The following NKAIN3 variants were observed in gnomAD, a reference collection of about 807,000 sequenced individuals.
The protein encoded by NKAIN3 is sodium/potassium-transporting ATPase subunit beta-1-interacting protein 3.
NKAIN3 carries 25 observed loss-of-function variants against 30.2 expected under a neutral mutation model. The observed-to-expected ratio is 0.83, with a 90% CI of 0.60 to 1.16. The LOEUF (loss-of-function observed/expected upper bound fraction) is 1.16. Among genes scored for constraint, NKAIN3 ranks in the 50% most tolerant of loss-of-function variants. The probability of loss-of-function intolerance (pLI) is 0.00; values close to 1 mark genes in which losing one functional copy is unlikely to be tolerated. For synonymous variants in NKAIN3, 91 were observed against 89.6 expected, an observed-to-expected ratio of 1.02 and a Z score of -0.09; for missense variants, 225 against 254.1, an observed-to-expected ratio of 0.89 and a Z score of 0.78.
Position 62,249,105 on chromosome 8 carries a change from T to A in NKAIN3, c.32T>A (p.Ile11Asn), listed in dbSNP as rs754989308. Residue 11 changes from isoleucine to asparagine, a missense_variant, in exon 1 of 7, where the codon ATC becomes AAC. Transcript: ENST00000623646. The stretch of plus-strand genomic sequence containing the variant: ...TGCTGCACCGGACGCTGCTCGCTCA[T>A]CTGCCTCTGCGCGCTGCAGTTGGTG... MGCCTGRCSL[I>N]CLCALQLVSA... The A allele has an allele frequency of 2.6e-6, 4 of 1,538,986 alleles. No homozygotes were observed. The highest frequency in any genetic ancestry group is 5.0e-5 in the East Asian group (2 of 39,746).
intron 4 of NKAIN3, among the ~76,000 whole-genome samples, chr8:62,821,845 G>A (rs1818856479): frequency 6.7e-6 from 1 of 148,654 alleles, no homozygotes; most frequent in African/African-American, 2.5e-5. Context: ...TTAAATTATT[G>A]AAAATGTAAA....
chr8:62,645,102 G>A (rs1429116635), intron 3 of NKAIN3, among the ~76,000 whole-genome samples: 2 of 152,082 alleles, frequency 1.3e-5, no homozygotes, highest in African/African-American at 2.4e-5. Flanking sequence ...TGATTCCAGC[G>A]CTAATTCAGA....
intron 5 of NKAIN3, among the ~76,000 whole-genome samples, chr8:62,946,265 A>T (rs959471867): frequency 1.2e-4 from 18 of 152,146 alleles, no homozygotes; most frequent in African/African-American, 4.1e-4. Context: ...GGACATAAGC[A>T]ACGGTTTAAG....
intron 1 of NKAIN3, among the ~76,000 whole-genome samples, chr8:62,479,955 A>G (rs1373984240): frequency 6.6e-6 from 1 of 152,224 alleles, no homozygotes; most frequent in Non-Finnish European, 1.5e-5. Context: ...GCGTTTCCCC[A>G]GAACATTTTG....
At chr8:62,534,574 C>A (rs1374126861) in intron 1 of NKAIN3, among the ~76,000 whole-genome samples, 1 of 152,166 alleles carries the variant, frequency 6.6e-6, no homozygotes, top group Non-Finnish European at 1.5e-5. Context: ...GAAAACATAA[C>A]ACAGCGGTTT....
At chr8:62,539,374 A>G (rs1053574778) in intron 1 of NKAIN3, among the ~76,000 whole-genome samples, 1 of 152,224 alleles carries the variant, frequency 6.6e-6, no homozygotes, top group Non-Finnish European at 1.5e-5. Flanking sequence ...CAAAAAGTCC[A>G]TTGTAAAACT....
rs940706715 is a variant in NKAIN3, at chr8:62,804,432, C to T, written c.471+57303C>T. Among the ~76,000 whole-genome samples, 22 of 152,186 alleles carry T rather than the reference C, an allele frequency of 1.4e-4. 1 individual carries two copies. The highest frequency in any genetic ancestry group is 1.2e-3 in the Admixed American group (19 of 15,270). On this transcript the variant is annotated intron_variant, in intron 4 of 6. Transcript: ENST00000623646. ...TACTGGCAAACCAAATCCAGCAGCA[C>T]ATCAAAAAGTTTATCCACCACGATC...
At chr8:62,400,569 A>G (rs1035210978) in intron 1 of NKAIN3, among the ~76,000 whole-genome samples, 3 of 152,152 alleles carry the variant, frequency 2.0e-5, no homozygotes, top group African/African-American at 7.2e-5. Flanking sequence ...GGAGTGTCCT[A>G]GCAATTGTTG....
At chr8:62,401,240 C>G (rs2129595240) in intron 1 of NKAIN3, among the ~76,000 whole-genome samples, 1 of 152,138 alleles carries the variant, frequency 6.6e-6, no homozygotes, top group Middle Eastern at 3.4e-3. Context: ...TGCAGTGAGT[C>G]AATTGCATTT....
At chr8:62,818,589 G>A (rs2130727082) in intron 4 of NKAIN3, among the ~76,000 whole-genome samples, 1 of 151,984 alleles carries the variant, frequency 6.6e-6, no homozygotes, top group Middle Eastern at 3.4e-3. Context: ...TTCTTTTGAA[G>A]CACCAATTAT....
intron 3 of NKAIN3, among the ~76,000 whole-genome samples, chr8:62,695,506 T>C (rs2130453856): frequency 6.6e-6 from 1 of 152,284 alleles, no homozygotes. Context: ...CAAGGAATAA[T>C]ACTGGGTATC....
intron 1 of NKAIN3, among the ~76,000 whole-genome samples, chr8:62,522,572 C>G (rs1035824714): frequency 6.6e-6 from 1 of 151,904 alleles, no homozygotes; most frequent in Non-Finnish European, 1.5e-5. Context: ...TGTCATTGAC[C>G]CTGAAGACCT....
intron 1 of NKAIN3, among the ~76,000 whole-genome samples, chr8:62,353,409 A>G (rs979630531): frequency 6.6e-5 from 10 of 152,220 alleles, no homozygotes; most frequent in African/African-American, 2.4e-4. Context: ...GGCTGCCAAC[A>G]CTGAAATTTG....
At chr8:62,359,057 G>A (rs574940855) in intron 1 of NKAIN3, among the ~76,000 whole-genome samples, 52 of 152,194 alleles carry the variant, frequency 3.4e-4, no homozygotes, top group African/African-American at 1.1e-3. Flanking sequence ...GGTGGCGGGC[G>A]CCTGTATTCC....
rs139779112 is a variant in NKAIN3, at chr8:62,253,368, G to A, written c.54+4241G>A. Reference sequence around the variant, plus strand: ...AGGTAGGAGGATTGCTTGAGTCCAGGAGTTCCAGATCAGTCTGGGCAACAT... The same window carrying A: ...AGGTAGGAGGATTGCTTGAGTCCAGAAGTTCCAGATCAGTCTGGGCAACAT... On this transcript the variant is annotated intron_variant, in intron 1 of 6. Coordinates refer to ENST00000623646, the MANE Select transcript of NKAIN3 (RefSeq NM_001304533.3). Among the ~76,000 whole-genome samples, 286 of 152,288 alleles carry A rather than the reference G, an allele frequency of 1.9e-3. 1 individual carries two copies. The highest frequency in any genetic ancestry group is 6.5e-3 in the African/African-American group (269 of 41,560).
chr8:62,965,415 A>C lies in NKAIN3; in HGVS notation c.*8A>C. Reference sequence around the variant, plus strand: ...CTGCTGAACTTGACTTAGGGAGCAAAGGACCATTGACTGCGCGCCTCGGTG... The same window carrying C: ...CTGCTGAACTTGACTTAGGGAGCAACGGACCATTGACTGCGCGCCTCGGTG... On this transcript the variant is annotated 3_prime_UTR_variant, in exon 7 of 7. Coordinates refer to ENST00000623646, the MANE Select transcript of NKAIN3 (RefSeq NM_001304533.3). 1 of 985,800 alleles carries C rather than the reference A, an allele frequency of 1.0e-6. No individual in the cohort carries two copies. 61.1% of individuals were successfully genotyped at this position (985,800 alleles called of 1,614,324 possible).
chr8:62,733,701 C>T (rs1166850257), intron 3 of NKAIN3, among the ~76,000 whole-genome samples: 2 of 151,588 alleles, frequency 1.3e-5, no homozygotes, highest in Non-Finnish European at 2.9e-5. Flanking sequence ...TTATTCTCAC[C>T]TCCAAACTCT....
At chr8:62,673,022 G>A (rs1049164995) in intron 3 of NKAIN3, among the ~76,000 whole-genome samples, 4 of 152,046 alleles carry the variant, frequency 2.6e-5, no homozygotes, top group Non-Finnish European at 5.9e-5. Context: ...TTTATACTTT[G>A]CAATAGCCAT....
intron 1 of NKAIN3, among the ~76,000 whole-genome samples, chr8:62,324,379 T>G (rs985487647): frequency 2.6e-5 from 4 of 152,126 alleles, no homozygotes; most frequent in Non-Finnish European, 4.4e-5. Context: ...CCTAAAAATA[T>G]GTTTATAAGT....
Sources: allele counts gnomAD v4.1 joint callset (sites outside exome capture counted in the v4.1 genomes callset), GRCh38; gene constraint gnomAD v4.1.1; transcripts MANE v1.5; gene names NCBI Gene and HGNC (gene_info 2026-07-23, HGNC 2026-07-21).